NCAM2: variants seen among roughly 807,000 people sequenced by gnomAD.
NCAM2 encodes neural cell adhesion molecule 2.
NCAM2 carries 30 observed loss-of-function variants against 98.1 expected under a neutral mutation model. The observed-to-expected ratio is 0.31, with a 90% confidence interval of 0.23 to 0.41. The LOEUF is 0.41. Ranked by LOEUF, NCAM2 falls within the 10% of genes least tolerant of loss-of-function variation. The pLI is 1.00. For missense variants in NCAM2, 867 were observed against 1,005.8 expected, an observed-to-expected ratio of 0.86 and a Z score of 1.87; for synonymous variants, 368 against 342.4, an observed-to-expected ratio of 1.07 and a Z score of -0.83.
chr21:21,525,407 T>C (rs1423667039), intron 16 of NCAM2, among the ~76,000 whole-genome samples: 2 of 152,090 alleles, frequency 1.3e-5, no homozygotes, highest in African/African-American at 2.4e-5. Flanking sequence ...GCCAATAATT[T>C]GATAACCAAA....
At chr21:21,147,386 CT>C (rs1417619340) in intron 1 of NCAM2, 1 of 604,076 alleles carries the variant, frequency 1.7e-6, no homozygotes, top group Non-Finnish European at 2.1e-6. Flanking sequence ...TTTGGAGTGA[CT>C]CAGTCACTTC....
At chr21:21,198,466 G>C (rs1005859818) in intron 1 of NCAM2, among the ~76,000 whole-genome samples, 7 of 152,120 alleles carry the variant, frequency 4.6e-5, no homozygotes, top group African/African-American at 1.7e-4. Flanking sequence ...ACCTTGAATA[G>C]AGAATGACCT....
At chr21:21,272,781 G>T (rs2826760) in intron 1 of NCAM2, among the ~76,000 whole-genome samples, 14,531 of 152,102 alleles carry the variant, frequency 0.096, 1,236 homozygotes, top group East Asian at 0.34. Context: ...CATTACTGAA[G>T]ATGAGGATTA....
At chr21:21,475,008 T>C (rs949857219) in intron 14 of NCAM2, among the ~76,000 whole-genome samples, 4 of 148,074 alleles carry the variant, frequency 2.7e-5, no homozygotes, top group African/African-American at 5.0e-5. Context: ...TAATACATTA[T>C]AATACATATA....
chr21:21,205,438 T>TA (rs2069403389), intron 1 of NCAM2, among the ~76,000 whole-genome samples: 1 of 152,170 alleles, frequency 6.6e-6, no homozygotes, highest in East Asian at 1.9e-4. Context: ...ATTATCTTTG[T>TA]TTAAGACCTG....
Position 21,259,602 on chromosome 21 carries a change from TCAC to T in NCAM2, c.56-20970_56-20968del, listed in dbSNP as rs1193204349. ...CACCTACTGAACTGGAGCCCAAAAT[TCAC>T]CACCAAATAAAAAACCTGCTGCTAG... On this transcript the variant is annotated intron_variant, in intron 1 of 17. Transcript: ENST00000400546. Among the ~76,000 whole-genome samples the T allele has an allele frequency of 2.6e-5, 4 of 152,018 alleles. 1 individual carries two copies. In the East Asian group the frequency reaches 7.7e-4, roughly 29 times the overall value.
intron 1 of NCAM2, among the ~76,000 whole-genome samples, chr21:21,261,729 A>G (rs1490544079): frequency 6.6e-6 from 1 of 152,172 alleles, no homozygotes; most frequent in Non-Finnish European, 1.5e-5. Context: ...AGATGAAAGC[A>G]GTAGTGCTAA....
chr21:21,505,255 G>T (rs919107787), intron 15 of NCAM2, among the ~76,000 whole-genome samples: 2 of 151,926 alleles, frequency 1.3e-5, no homozygotes, highest in Non-Finnish European at 2.9e-5. Flanking sequence ...AATCTGATGG[G>T]ATCAATGGCC....
intron 1 of NCAM2, among the ~76,000 whole-genome samples, chr21:21,202,186 T>G (rs1323633870): frequency 6.6e-6 from 1 of 152,136 alleles, no homozygotes; most frequent in Non-Finnish European, 1.5e-5. Flanking sequence ...TTCCCAGTTT[T>G]GTGACTTTGT....
At position 21,388,155 on chromosome 21, in the gene NCAM2, G is replaced by A. The variant is rs576114609; in HGVS notation, c.1195+14142G>A. Among the ~76,000 whole-genome samples the A allele has an allele frequency of 9.2e-5, 14 of 152,244 alleles. No individual in the cohort carries two copies. The East Asian group carries it at 2.7e-3, about 29-fold the overall frequency. On this transcript the variant is annotated intron_variant, in intron 9 of 17. Transcript: ENST00000400546. ...TGATGGCAGAAGCACAAGAAAACAAGCCCGACAACAAAGACATATTTAAAG... is the reference window on the plus strand; with the variant it reads ...TGATGGCAGAAGCACAAGAAAACAAACCCGACAACAAAGACATATTTAAAG...
intron 16 of NCAM2, among the ~76,000 whole-genome samples, chr21:21,514,724 G>A (rs1200071754): frequency 1.3e-5 from 2 of 152,048 alleles, no homozygotes; most frequent in East Asian, 1.9e-4. Flanking sequence ...TTAGAAAATA[G>A]CACTAGTAAT....
intron 1 of NCAM2, among the ~76,000 whole-genome samples, chr21:21,127,826 G>A (rs553622119): frequency 3.9e-5 from 6 of 151,912 alleles, no homozygotes; most frequent in Non-Finnish European, 5.9e-5. Flanking sequence ...GTATATATAC[G>A]TATATACACA....
chr21:21,366,978 A>G (rs1280322172), intron 8 of NCAM2, among the ~76,000 whole-genome samples: 1 of 152,028 alleles, frequency 6.6e-6, no homozygotes, highest in African/African-American at 2.4e-5. Context: ...ACTAATGACT[A>G]GTTGTATGAC....
At chr21:21,470,077 C>A (rs1984238853) in intron 14 of NCAM2, among the ~76,000 whole-genome samples, 1 of 152,006 alleles carries the variant, frequency 6.6e-6, no homozygotes, top group South Asian at 2.1e-4. Flanking sequence ...CCACAGTGGA[C>A]TCTAAAATGC....
At position 21,324,516 on chromosome 21, in the gene NCAM2, C is replaced by T. The variant is rs200141197; in HGVS notation, c.737+16C>T. On this transcript the variant is annotated intron_variant, in intron 6 of 17. Transcript: ENST00000400546. ...CCTGGTTCAGGTAGGTTATGCACCCCCCTCCCTCTGGCTTGTGTCCATTAT... is the reference window on the plus strand; with the variant it reads ...CCTGGTTCAGGTAGGTTATGCACCCTCCTCCCTCTGGCTTGTGTCCATTAT... The T allele has an allele frequency of 1.8e-5, 27 of 1,539,714 alleles. No homozygotes were observed. In the Admixed American group the frequency reaches 2.2e-4, roughly 12 times the overall value.
intron 8 of NCAM2, among the ~76,000 whole-genome samples, chr21:21,354,953 C>CTTAG (rs1016805848): frequency 6.6e-6 from 1 of 152,168 alleles, no homozygotes; most frequent in African/African-American, 2.4e-5. Flanking sequence ...TGGCCTTGGT[C>CTTAG]TTAGCCTAGA....
chr21:21,042,197 G>A (rs1337474927), intron 1 of NCAM2, among the ~76,000 whole-genome samples: 2 of 152,066 alleles, frequency 1.3e-5, no homozygotes, highest in African/African-American at 2.4e-5. Flanking sequence ...TGGGGTGAGT[G>A]AGGGTTTCTT....
chr21:21,034,896 A>G (rs1344946073), intron 1 of NCAM2, among the ~76,000 whole-genome samples: 2 of 152,198 alleles, frequency 1.3e-5, no homozygotes, highest in Admixed American at 1.3e-4. Flanking sequence ...GGTTTTTAAA[A>G]GTTACCTTGC....
At chr21:21,105,778 A>G (rs1380891439) in intron 1 of NCAM2, among the ~76,000 whole-genome samples, 1 of 152,142 alleles carries the variant, frequency 6.6e-6, no homozygotes, top group Non-Finnish European at 1.5e-5. Flanking sequence ...TGCAAAGTCC[A>G]TACGCTTTCT....
Sources: gnomAD v4.1 joint callset for allele counts (sites outside exome capture counted in the v4.1 genomes callset) on GRCh38, gnomAD v4.1.1 for gene constraint, MANE v1.5 for transcripts, NCBI Gene and HGNC (gene_info 2026-07-23, HGNC 2026-07-21) for gene names.